AUTS2: variants seen among roughly 807,000 people sequenced by gnomAD.
AUTS2 encodes activator of transcription and developmental regulator AUTS2, also known as autism susceptibility gene 2 protein.
A neutral mutation model predicts 112.4 loss-of-function variants in AUTS2; 17 were observed. That is an observed-to-expected ratio of 0.15 (90% CI 0.10 to 0.23). The LOEUF (loss-of-function observed/expected upper bound fraction) is 0.23. Ranked by LOEUF, AUTS2 falls within the 10% of genes least tolerant of loss-of-function variation. The probability of loss-of-function intolerance (pLI) is 1.00; values close to 1 mark genes in which losing one functional copy is unlikely to be tolerated. For missense variants in AUTS2, 1,510 were observed against 1,701.6 expected (o/e 0.89, Z 1.98); for synonymous variants, 751 against 702.7 (o/e 1.07, Z -1.09).
intron 5 of AUTS2, among the ~76,000 whole-genome samples, chr7:70,492,164 C>A (rs1798275348): frequency 6.6e-6 from 1 of 152,112 alleles, no homozygotes; most frequent in Non-Finnish European, 1.5e-5. Context: ...GCACAGGGGG[C>A]ATTGCTCAGG....
chr7:69,857,314 T>G (rs1792774528), intron 1 of AUTS2, among the ~76,000 whole-genome samples: 1 of 152,134 alleles, frequency 6.6e-6, no homozygotes, highest in African/African-American at 2.4e-5. Flanking sequence ...TATATGTCGG[T>G]CTTTATTTGC....
At chr7:70,624,583 C>G (rs1236438266) in intron 5 of AUTS2, among the ~76,000 whole-genome samples, 2 of 152,166 alleles carry the variant, frequency 1.3e-5, no homozygotes, top group Non-Finnish European at 2.9e-5. Context: ...ACCCCAGGCC[C>G]TGGCATAAAT....
At position 70,592,189 on chromosome 7, in the gene AUTS2, A is replaced by T. The variant is rs181872447; in HGVS notation, c.691-106380A>T. 7.0e-4 allele frequency among the ~76,000 whole-genome samples: 106 copies of T among 152,312 alleles called. 2 individuals carry two copies. The highest frequency in any genetic ancestry group is 2.9e-5 in the Non-Finnish European group (2 of 68,028). ...TTTGTATGTTTTTTCAGTATGACACATCAAAGAAAGGGCAGAATCTTCTTT... is the reference window on the plus strand; with the variant it reads ...TTTGTATGTTTTTTCAGTATGACACTTCAAAGAAAGGGCAGAATCTTCTTT... On this transcript the variant is annotated intron_variant, in intron 5 of 18. Transcript: ENST00000342771.
chr7:70,317,309 A>C (rs1327076100), intron 4 of AUTS2, among the ~76,000 whole-genome samples: 1 of 152,154 alleles, frequency 6.6e-6, no homozygotes, highest in Non-Finnish European at 1.5e-5. Context: ...CAGATTGTGA[A>C]TCTTAATGAA....
intron 5 of AUTS2, among the ~76,000 whole-genome samples, chr7:70,554,008 G>C (rs1801133938): frequency 6.7e-6 from 1 of 148,858 alleles, no homozygotes; most frequent in Admixed American, 6.8e-5. Flanking sequence ...CTGACCTCAT[G>C]ATCCACCCAC....
intron 1 of AUTS2, among the ~76,000 whole-genome samples, chr7:69,707,664 A>T (rs1319853362): frequency 6.6e-6 from 1 of 152,238 alleles, no homozygotes; most frequent in African/African-American, 2.4e-5. Flanking sequence ...ATATTTGTGA[A>T]CAAAGCAGAA....
intron 2 of AUTS2, among the ~76,000 whole-genome samples, chr7:70,093,670 C>A (rs577111359): frequency 6.6e-5 from 10 of 152,174 alleles, no homozygotes; most frequent in Non-Finnish European, 1.3e-4. Context: ...GAGTGAGTCA[C>A]CCCTTTTCAG....
chr7:70,531,453 GT>G (rs1800084724), intron 5 of AUTS2, among the ~76,000 whole-genome samples: 1 of 152,146 alleles, frequency 6.6e-6, no homozygotes, highest in African/African-American at 2.4e-5. Flanking sequence ...TTGACTCATG[GT>G]TCTGCAGGCT....
chr7:70,208,744 G>A (rs1810706942), intron 4 of AUTS2, among the ~76,000 whole-genome samples: 1 of 151,768 alleles, frequency 6.6e-6, no homozygotes, highest in Admixed American at 6.6e-5. Flanking sequence ...GTTAAGGGGA[G>A]GCCTTTTGCA....
At chr7:69,632,137 T>A (rs1452197459) in intron 1 of AUTS2, among the ~76,000 whole-genome samples, 1 of 152,360 alleles carries the variant, frequency 6.6e-6, no homozygotes, top group East Asian at 1.9e-4. Context: ...GTCTTTGTTG[T>A]CAGTGAAATC....
At chr7:69,865,954 A>C (rs1034626115) in intron 1 of AUTS2, among the ~76,000 whole-genome samples, 1 of 152,190 alleles carries the variant, frequency 6.6e-6, no homozygotes, top group Non-Finnish European at 1.5e-5. Flanking sequence ...CTTCCTACTT[A>C]AAATTGTATT....
At chr7:70,684,355 T>G (rs36018096) in intron 5 of AUTS2, among the ~76,000 whole-genome samples, 42,415 of 152,000 alleles carry the variant, frequency 0.28, 6,280 homozygotes, top group Non-Finnish European at 0.3. Flanking sequence ...TACTTGTATA[T>G]CCCAGGAATA....
chr7:70,587,486 T>A lies in AUTS2; in HGVS notation c.691-111083T>A, dbSNP rs187106308. Among the ~76,000 whole-genome samples, 331 of 152,360 alleles carry A rather than the reference T, an allele frequency of 2.2e-3. 2 individuals are homozygous for A. Among genetic ancestry groups the A allele is most frequent in the Admixed American group, 5.9e-3 (90 of 15,308 alleles). The stretch of plus-strand genomic sequence containing the variant: ...GCACTGCATCACCTGGCCTAGATGG[T>A]CCTTGGCAACTAGGTGACTGATCTG... On this transcript the variant is annotated intron_variant, in intron 5 of 18. Transcript: ENST00000342771.
At chr7:69,907,124 C>CA (rs1795178878) in intron 2 of AUTS2, among the ~76,000 whole-genome samples, 1 of 152,144 alleles carries the variant, frequency 6.6e-6, no homozygotes. Context: ...GAAAACCACA[C>CA]AAAACACCTA....
At chr7:70,687,756 T>A (rs1203317102) in intron 5 of AUTS2, among the ~76,000 whole-genome samples, 1 of 152,130 alleles carries the variant, frequency 6.6e-6, no homozygotes, top group African/African-American at 2.4e-5. Flanking sequence ...GAAGCTTCCA[T>A]TTTCAGAATC....
intron 5 of AUTS2, among the ~76,000 whole-genome samples, chr7:70,574,555 C>T (rs80345130): frequency 0.065 from 9,867 of 152,238 alleles, 432 homozygotes; most frequent in Non-Finnish European, 0.096. Context: ...TTGCTCTTAG[C>T]ACCAGAAGTT....
At chr7:70,359,542 G>C (rs1224284326) in intron 4 of AUTS2, among the ~76,000 whole-genome samples, 2 of 152,144 alleles carry the variant, frequency 1.3e-5, no homozygotes, top group African/African-American at 4.8e-5. Context: ...AGGTCAAAGG[G>C]GAAGTGGACA....
At chr7:70,142,736 G>T (rs1806931370) in intron 4 of AUTS2, among the ~76,000 whole-genome samples, 1 of 152,142 alleles carries the variant, frequency 6.6e-6, no homozygotes, top group Admixed American at 6.6e-5. Flanking sequence ...GACAGTCCCA[G>T]AGGGAATGGA....
chr7:69,989,323 C>T (rs1300930070), intron 2 of AUTS2, among the ~76,000 whole-genome samples: 1 of 152,106 alleles, frequency 6.6e-6, no homozygotes, highest in Non-Finnish European at 1.5e-5. Context: ...AAAATGCTGG[C>T]ACTTCAAGGG....
Sources: allele counts gnomAD v4.1 joint callset (sites outside exome capture counted in the v4.1 genomes callset), GRCh38; gene constraint gnomAD v4.1.1; transcripts MANE v1.5; gene names NCBI Gene and HGNC (gene_info 2026-07-23, HGNC 2026-07-21).